PIBF1: variants seen among roughly 807,000 people sequenced by gnomAD.
PIBF1 encodes the protein progesterone-induced-blocking factor 1.
PIBF1 carries 90 observed loss-of-function variants against 112.5 expected under a neutral mutation model. The ratio of observed to expected loss-of-function variants is 0.80; its 90% CI spans 0.67 to 0.95. PIBF1 has a LOEUF of 0.95. Among genes scored for constraint, PIBF1 ranks in the 40% least tolerant of loss-of-function variants. PIBF1 has a pLI of 0.00. For missense variants in PIBF1, 915 were observed against 852.3 expected (o/e 1.07, Z -0.92); for synonymous variants, 301 against 288.6 (o/e 1.04, Z -0.44).
intron 5 of PIBF1, among the ~76,000 whole-genome samples, chr13:72,801,107 A>G (rs2035448449): frequency 6.6e-6 from 1 of 152,184 alleles, no homozygotes; most frequent in South Asian, 2.1e-4. Flanking sequence ...GGAGGAGGAT[A>G]GTTGTAGTTA....
At chr13:73,006,054 G>C (rs1301042317) in intron 17 of PIBF1, among the ~76,000 whole-genome samples, 1 of 149,206 alleles carries the variant, frequency 6.7e-6, no homozygotes, top group Non-Finnish European at 1.5e-5. Context: ...TGAGTAGCTG[G>C]GATTACAGGG....
intron 10 of PIBF1, among the ~76,000 whole-genome samples, chr13:72,867,259 T>A (rs1179401432): frequency 1.3e-5 from 2 of 152,202 alleles, no homozygotes; most frequent in Non-Finnish European, 1.5e-5. Flanking sequence ...ACAAAAGATG[T>A]GACTTGCTCC....
chr13:72,839,245 A>C (rs2037496958), intron 9 of PIBF1, among the ~76,000 whole-genome samples: 1 of 152,180 alleles, frequency 6.6e-6, no homozygotes, highest in Non-Finnish European at 1.5e-5. Context: ...CCAGGTTGGA[A>C]AAGTATTTAG....
intron 17 of PIBF1, among the ~76,000 whole-genome samples, chr13:73,011,629 G>A (rs2044206932): frequency 6.6e-6 from 1 of 152,048 alleles, no homozygotes; most frequent in South Asian, 2.1e-4. Context: ...ACTGAGAAAC[G>A]TGTGTAAAGT....
chr13:72,907,270 G>T (rs1047482826), intron 11 of PIBF1, among the ~76,000 whole-genome samples: 1 of 152,070 alleles, frequency 6.6e-6, no homozygotes, highest in Non-Finnish European at 1.5e-5. Context: ...TATAATTTCT[G>T]CTCATTGAGA....
intron 16 of PIBF1, among the ~76,000 whole-genome samples, chr13:72,989,931 C>T (rs1326539700): frequency 5.9e-5 from 9 of 151,864 alleles, no homozygotes; most frequent in Non-Finnish European, 8.8e-5. Context: ...AAAAAATGCC[C>T]GACCAGGCAC....
chr13:72,878,451 C>A (rs2039494866), intron 10 of PIBF1, among the ~76,000 whole-genome samples: 1 of 152,038 alleles, frequency 6.6e-6, no homozygotes, highest in Non-Finnish European at 1.5e-5. Flanking sequence ...TTCCAGTTAT[C>A]TTTTTATTGT....
intron 14 of PIBF1, among the ~76,000 whole-genome samples, chr13:72,955,519 C>T (rs1019500195): frequency 3.9e-5 from 6 of 152,004 alleles, no homozygotes; most frequent in Admixed American, 2.0e-4. Context: ...TTTTACCTGC[C>T]GGTTGTTCCT....
At chr13:72,863,675 A>G (rs910523786) in intron 10 of PIBF1, among the ~76,000 whole-genome samples, 10 of 151,538 alleles carry the variant, frequency 6.6e-5, no homozygotes, top group South Asian at 2.1e-4. Flanking sequence ...AAAAAAAAAA[A>G]GGGACTGAGG....
chr13:72,821,765 C>G (rs1566313593), intron 5 of PIBF1, 84 bp from the exon 6 acceptor site: 2 of 975,270 alleles, frequency 2.1e-6, no homozygotes, highest in African/African-American at 3.4e-5. Flanking sequence ...ACAATCACAG[C>G]TTAACAGAAG....
intron 10 of PIBF1, among the ~76,000 whole-genome samples, chr13:72,879,866 A>G (rs80083574): frequency 1.8e-4 from 27 of 152,390 alleles, no homozygotes; most frequent in Non-Finnish European, 4.0e-4. Flanking sequence ...TAGTGTATAT[A>G]AAGTTTTATT....
intron 11 of PIBF1, among the ~76,000 whole-genome samples, chr13:72,894,480 GTTC>G (rs1425206741): frequency 6.6e-6 from 1 of 151,828 alleles, no homozygotes; most frequent in African/African-American, 2.4e-5. Flanking sequence ...TTTAAAGTGT[GTTC>G]TGAGGCAAGA....
chr13:72,796,353 A>G (rs570837899), intron 4 of PIBF1, among the ~76,000 whole-genome samples: 10 of 152,284 alleles, frequency 6.6e-5, no homozygotes, highest in South Asian at 2.1e-4. Context: ...TCCCAAAACC[A>G]TATGTTGAGA....
chr13:72,866,199 A>G (rs1476357733), intron 10 of PIBF1, among the ~76,000 whole-genome samples: 1 of 152,198 alleles, frequency 6.6e-6, no homozygotes, highest in Admixed American at 6.5e-5. Flanking sequence ...CAGATAATTC[A>G]GGACAGGTCT....
chr13:72,948,446 A>G (rs2042207581), intron 14 of PIBF1, among the ~76,000 whole-genome samples: 1 of 152,102 alleles, frequency 6.6e-6, no homozygotes, highest in Non-Finnish European at 1.5e-5. Flanking sequence ...ATTTTGGTCA[A>G]AGCTCTAGGA....
intron 13 of PIBF1, among the ~76,000 whole-genome samples, chr13:72,917,577 G>A (rs1056656764): frequency 7.3e-5 from 11 of 151,150 alleles, no homozygotes; most frequent in African/African-American, 2.7e-4. Context: ...TGCATATATT[G>A]TAATTGAAAC....
intron 14 of PIBF1, among the ~76,000 whole-genome samples, chr13:72,953,438 A>G (rs1026180678): frequency 2.0e-5 from 3 of 151,798 alleles, no homozygotes; most frequent in African/African-American, 7.3e-5. Flanking sequence ...GCTCAGTGGG[A>G]CTCCCACACT....
At chr13:72,922,464 C>A (rs1039879551) in intron 13 of PIBF1, among the ~76,000 whole-genome samples, 1 of 152,050 alleles carries the variant, frequency 6.6e-6, no homozygotes, top group African/African-American at 2.4e-5. Context: ...TTGGTTAAGC[C>A]CTTTAACCTG....
intron 10 of PIBF1, among the ~76,000 whole-genome samples, chr13:72,865,340 C>T (rs750695015): frequency 3.9e-5 from 6 of 152,082 alleles, no homozygotes; most frequent in African/African-American, 1.2e-4. Context: ...ACATGAAGCC[C>T]GGCACAGTTC....
Sources: gnomAD v4.1 joint callset for allele counts (sites outside exome capture counted in the v4.1 genomes callset) on GRCh38, gnomAD v4.1.1 for gene constraint, MANE v1.5 for transcripts, NCBI Gene and HGNC (gene_info 2026-07-23, HGNC 2026-07-21) for gene names.